The following HPSE2 variants were observed in gnomAD, a reference collection of about 807,000 sequenced individuals.
HPSE2 encodes the protein heparanase 2 (inactive), also known as inactive heparanase-2.
Under a neutral mutation model 60.5 loss-of-function variants are expected in HPSE2, and 38 were observed. That is an observed-to-expected ratio of 0.63 (90% confidence interval 0.48 to 0.82). The LOEUF is 0.82. HPSE2 is among the 40% of genes least tolerant of loss of function. HPSE2 has a pLI of 0.00. For synonymous variants in HPSE2, 295 were observed against 293.2 expected (o/e 1.01, Z -0.06); for missense variants, 713 against 740.4 (o/e 0.96, Z 0.43).
At chr10:98,604,393 G>A (rs1945520019) in intron 9 of HPSE2, among the ~76,000 whole-genome samples, 1 of 152,032 alleles carries the variant, frequency 6.6e-6, no homozygotes, top group South Asian at 2.1e-4. Context: ...GGACATGGCT[G>A]AGGAAATAAT....
rs78443353 is a variant in HPSE2 at position 98,466,941 on chromosome 10, C to T, written c.1614-7202G>A. Among the ~76,000 whole-genome samples the T allele has an allele frequency of 6.3e-3, 954 of 152,332 alleles. 3 individuals carry two copies. The highest frequency in any genetic ancestry group is 9.9e-3 in the Non-Finnish European group (676 of 68,028). Reference sequence around the variant, plus strand: ...CAGGCCCTATTATCTACTTCTCCAACCGCCAAGAGGCTCACTCTAGCTCCC... The same window carrying T: ...CAGGCCCTATTATCTACTTCTCCAATCGCCAAGAGGCTCACTCTAGCTCCC... On this transcript the variant is annotated intron_variant, in intron 11 of 11. Transcript: ENST00000370552.
chr10:98,790,321 A>T lies in HPSE2; in HGVS notation c.611-46265T>A, dbSNP rs1565164234. Among the ~76,000 whole-genome samples the T allele has an allele frequency of 3.3e-5, 5 of 152,334 alleles. No homozygotes were observed. In the South Asian group the frequency reaches 1.0e-3, roughly 32 times the overall value. ...GATATCTCTTCAATATGCCAATTTC[A>T]ATTCCTTTGGATATAAACTCAGAAG... On this transcript the variant is annotated intron_variant, in intron 3 of 11. Coordinates refer to ENST00000370552, the MANE Select transcript of HPSE2 (RefSeq NM_021828.5).
At chr10:99,012,325 T>A (rs899715203) in intron 3 of HPSE2, among the ~76,000 whole-genome samples, 1 of 152,116 alleles carries the variant, frequency 6.6e-6, no homozygotes, top group Non-Finnish European at 1.5e-5. Context: ...TTAGTAATAC[T>A]AAGCCAAGAA....
chr10:98,652,062 C>T (rs768718918), intron 6 of HPSE2, among the ~76,000 whole-genome samples: 3 of 152,034 alleles, frequency 2.0e-5, no homozygotes, highest in Non-Finnish European at 4.4e-5. Flanking sequence ...TGAGCCACCA[C>T]GCTCGGCCAG....
intron 9 of HPSE2, among the ~76,000 whole-genome samples, chr10:98,561,165 G>GTTTTTT (rs141881144): frequency 6.9e-6 from 1 of 145,066 alleles, no homozygotes; most frequent in Admixed American, 6.9e-5. Context: ...TTTTTTTTTT[G>GTTTTTT]TTCTTTTTTT....
chr10:98,954,435 G>GT (rs1564687844), intron 3 of HPSE2, among the ~76,000 whole-genome samples: 1 of 152,156 alleles, frequency 6.6e-6, no homozygotes, highest in Non-Finnish European at 1.5e-5. Flanking sequence ...GACACTGAAC[G>GT]TGTCACTAAA....
chr10:98,591,641 G>A (rs866713185), intron 9 of HPSE2, among the ~76,000 whole-genome samples: 2 of 151,938 alleles, frequency 1.3e-5, no homozygotes, highest in East Asian at 1.9e-4. Context: ...CAGCCTGGGC[G>A]ACACAGTGAG....
chr10:99,252,643 G>A, the HPSE2 span, among the ~76,000 whole-genome samples: 1 of 152,158 alleles, frequency 6.6e-6, no homozygotes, highest in African/African-American at 2.4e-5. Context: ...TTGGGAGGCT[G>A]AGGTGGGTAG....
chr10:98,643,158 C>A (rs560445032), intron 6 of HPSE2, among the ~76,000 whole-genome samples: 1 of 152,282 alleles, frequency 6.6e-6, no homozygotes, highest in East Asian at 1.9e-4. Context: ...TGGCTTTTAG[C>A]CAGAAATATC....
intron 6 of HPSE2, among the ~76,000 whole-genome samples, chr10:98,681,770 T>C (rs538854306): frequency 6.6e-6 from 1 of 152,312 alleles, no homozygotes; most frequent in South Asian, 2.1e-4. Context: ...AGATATTGAA[T>C]AGATTTGTGA....
At chr10:98,983,583 T>A (rs1956259838) in intron 3 of HPSE2, among the ~76,000 whole-genome samples, 2 of 152,238 alleles carry the variant, frequency 1.3e-5, no homozygotes, top group African/African-American at 4.8e-5. Context: ...CAAAGTCAAT[T>A]TACCTGGCTT....
intron 9 of HPSE2, among the ~76,000 whole-genome samples, chr10:98,501,470 G>T (rs1591277945): frequency 1.3e-5 from 2 of 152,304 alleles, no homozygotes; most frequent in East Asian, 3.9e-4. Flanking sequence ...CTCAATAGAT[G>T]CAGAAAAAGC....
At chr10:98,863,619 G>C (rs897429000) in intron 3 of HPSE2, among the ~76,000 whole-genome samples, 1 of 152,140 alleles carries the variant, frequency 6.6e-6, no homozygotes, top group Non-Finnish European at 1.5e-5. Context: ...TCGTCTCAGA[G>C]ATGCTCAAGC....
At chr10:98,820,101 G>C (rs1387804384) in intron 3 of HPSE2, among the ~76,000 whole-genome samples, 1 of 151,960 alleles carries the variant, frequency 6.6e-6, no homozygotes, top group Non-Finnish European at 1.5e-5. Flanking sequence ...CTTCACGTAG[G>C]AAAGTCAACA....
At chr10:99,079,658 G>A (rs1272925943) in intron 3 of HPSE2, among the ~76,000 whole-genome samples, 1 of 151,996 alleles carries the variant, frequency 6.6e-6, no homozygotes, top group Admixed American at 6.6e-5. Context: ...GGCAAAACAG[G>A]ATCTAGTCTT....
chr10:99,240,217 A>G (rs994564784), upstream of HPSE2, among the ~76,000 whole-genome samples: 4 of 152,050 alleles, frequency 2.6e-5, no homozygotes, highest in African/African-American at 9.7e-5. Flanking sequence ...GGAAAAAAAG[A>G]AAAGAAAAAT....
At chr10:98,907,448 C>A (rs1953854949) in intron 3 of HPSE2, among the ~76,000 whole-genome samples, 1 of 152,090 alleles carries the variant, frequency 6.6e-6, no homozygotes, top group Non-Finnish European at 1.5e-5. Context: ...CCAGCCTAGG[C>A]AACATAGTGA....
At position 99,033,656 on chromosome 10, in the gene HPSE2, G is replaced by A. The variant is rs149617885; in HGVS notation, c.610+110582C>T. ...AAATTAGCCAAGCATGGTGGTAGGC[G>A]CCCATAGTCCCAGCTATTCAGGAGG... On this transcript the variant is annotated intron_variant, in intron 3 of 11. Transcript: ENST00000370552. 2.1e-3 allele frequency among the ~76,000 whole-genome samples: 323 copies of A among 151,980 alleles called. 2 individuals are homozygous for A. The highest frequency in any genetic ancestry group is 6.7e-3 in the African/African-American group (278 of 41,434).
At chr10:99,075,984 C>A (rs1346734592) in intron 3 of HPSE2, among the ~76,000 whole-genome samples, 3 of 152,124 alleles carry the variant, frequency 2.0e-5, no homozygotes, top group African/African-American at 7.2e-5. Context: ...CCACACTATA[C>A]CTTCTGACTG....
Sources: gnomAD v4.1 joint callset for allele counts (sites outside exome capture counted in the v4.1 genomes callset) on GRCh38, gnomAD v4.1.1 for gene constraint, MANE v1.5 for transcripts, NCBI Gene and HGNC (gene_info 2026-07-23, HGNC 2026-07-21) for gene names.